Variants in FHIT observed in about 807,000 individuals in gnomAD.
FHIT encodes the protein fragile histidine triad diadenosine triphosphatase, also known as bis(5'-adenosyl)-triphosphatase.
In FHIT, 19 loss-of-function variants were observed where a neutral mutation model predicts 17.9. That is an observed-to-expected ratio of 1.06 (90% CI 0.74 to 1.56). The LOEUF is 1.56. Ranked by LOEUF, FHIT falls within the 40% of genes most tolerant of loss-of-function variation. The probability of loss-of-function intolerance (pLI) is 0.00; values close to 1 mark genes in which losing one functional copy is unlikely to be tolerated. For synonymous variants in FHIT, 81 were observed against 69.7 expected (o/e 1.16, Z -0.81); for missense variants, 248 against 189.2 (o/e 1.31, Z -1.82).
intron 4 of FHIT, among the ~76,000 whole-genome samples, chr3:60,594,436 G>T (rs1212463478): frequency 6.6e-6 from 1 of 152,102 alleles, no homozygotes; most frequent in Admixed American, 6.6e-5. Flanking sequence ...GCCCCAAATG[G>T]TTGGTACTTA....
intron 5 of FHIT, among the ~76,000 whole-genome samples, chr3:60,121,117 C>G (rs1276549252): frequency 6.6e-6 from 1 of 152,076 alleles, no homozygotes; most frequent in Non-Finnish European, 1.5e-5. Flanking sequence ...CTTCATTCTA[C>G]TAAACCATTT....
chr3:60,000,790 T>C (rs1699700580), intron 7 of FHIT, among the ~76,000 whole-genome samples: 1 of 152,192 alleles, frequency 6.6e-6, no homozygotes, highest in Non-Finnish European at 1.5e-5. Flanking sequence ...TATTTAAAAT[T>C]GAATTACAAT....
At chr3:61,056,776 T>C (rs186584759) in intron 2 of FHIT, among the ~76,000 whole-genome samples, 1 of 152,330 alleles carries the variant, frequency 6.6e-6, no homozygotes, top group East Asian at 1.9e-4. Context: ...TTTATTTAGA[T>C]AATACTCACT....
intron 1 of FHIT, among the ~76,000 whole-genome samples, chr3:61,221,088 A>C (rs530884937): frequency 7.1e-6 from 1 of 140,338 alleles, no homozygotes; most frequent in African/African-American, 2.6e-5. Flanking sequence ...ATCAAATTCC[A>C]TGAAATCTCA....
intron 5 of FHIT, among the ~76,000 whole-genome samples, chr3:60,431,215 G>GA (rs66778365): frequency 7.4e-5 from 11 of 148,862 alleles, no homozygotes; most frequent in African/African-American, 2.5e-4. Flanking sequence ...CATCTCAAAA[G>GA]AAAAAAAAAA....
intron 5 of FHIT, among the ~76,000 whole-genome samples, chr3:60,071,430 C>T (rs766217457): frequency 1.1e-4 from 17 of 152,134 alleles, no homozygotes; most frequent in Non-Finnish European, 2.1e-4. Context: ...GGCACTGCAA[C>T]CGTGTCTGTA....
intron 3 of FHIT, among the ~76,000 whole-genome samples, chr3:60,940,421 C>T (rs1313157936): frequency 4.0e-5 from 6 of 151,896 alleles, no homozygotes; most frequent in African/African-American, 1.2e-4. Context: ...AGCTTCTGTA[C>T]CCCAAGTTTT....
rs140435954 is a variant in FHIT, at chr3:60,428,482, A to C, written c.103+108378T>G. On this transcript the variant is annotated intron_variant, in intron 5 of 9. Coordinates refer to ENST00000492590, the MANE Select transcript of FHIT (RefSeq NM_002012.4). ...TCCTACTTGGTAGCTTCATCAGAGC[A>C]CGTTTTGAGTCTGCATCCAGATTGT... 1.2e-3 allele frequency among the ~76,000 whole-genome samples: 185 copies of C among 152,150 alleles called. 2 individuals carry two copies. Among genetic ancestry groups the C allele is most frequent in the African/African-American group, 4.4e-3 (183 of 41,464 alleles).
At chr3:60,445,362 G>A (rs1434484409) in intron 5 of FHIT, among the ~76,000 whole-genome samples, 1 of 151,860 alleles carries the variant, frequency 6.6e-6, no homozygotes, top group Admixed American at 6.6e-5. Context: ...GTTGTTCTTG[G>A]ATTACAGTGG....
At chr3:60,244,651 ATT>A (rs1705301669) in intron 5 of FHIT, among the ~76,000 whole-genome samples, 1 of 152,056 alleles carries the variant, frequency 6.6e-6, no homozygotes, top group African/African-American at 2.4e-5. Context: ...GAGAAGTTTG[ATT>A]TTTAGGATCT....
intron 8 of FHIT, among the ~76,000 whole-genome samples, chr3:59,791,651 G>A (rs555589104): frequency 1.0e-3 from 152 of 152,190 alleles, no homozygotes; most frequent in African/African-American, 3.5e-3. Flanking sequence ...CATGAAATGT[G>A]GGTGATTCAT....
intron 5 of FHIT, among the ~76,000 whole-genome samples, chr3:60,198,100 G>C (rs981141455): frequency 1.7e-4 from 26 of 149,550 alleles, no homozygotes; most frequent in African/African-American, 6.2e-4. Context: ...GGAACGTTTG[G>C]ATGACTTTTT....
intron 5 of FHIT, among the ~76,000 whole-genome samples, chr3:60,362,743 T>C (rs1241132087): frequency 6.6e-6 from 1 of 152,184 alleles, no homozygotes; most frequent in Non-Finnish European, 1.5e-5. Flanking sequence ...ATTTTCTTCA[T>C]CAATAAAACG....
At chr3:60,766,274 T>C (rs1423621460) in intron 4 of FHIT, among the ~76,000 whole-genome samples, 1 of 152,180 alleles carries the variant, frequency 6.6e-6, no homozygotes, top group East Asian at 1.9e-4. Flanking sequence ...TCCTCATTGC[T>C]GCCTTTCTGA....
At chr3:60,977,144 T>G (rs1485928742) in intron 3 of FHIT, among the ~76,000 whole-genome samples, 5 of 152,154 alleles carry the variant, frequency 3.3e-5, no homozygotes, top group Non-Finnish European at 7.4e-5. Flanking sequence ...TCTTTCTGCT[T>G]CACAGATCAT....
chr3:60,767,547 G>A (rs61385606), intron 4 of FHIT, among the ~76,000 whole-genome samples: 1 of 152,156 alleles, frequency 6.6e-6, no homozygotes, highest in African/African-American at 2.4e-5. Context: ...AAACCTAGTG[G>A]CTCCCAATTC....
chr3:60,000,015 C>T (rs1024685493), intron 7 of FHIT, among the ~76,000 whole-genome samples: 1 of 152,180 alleles, frequency 6.6e-6, no homozygotes, highest in Non-Finnish European at 1.5e-5. Flanking sequence ...TCTGCCATGT[C>T]AGCCTCAGCA....
intron 3 of FHIT, among the ~76,000 whole-genome samples, chr3:60,910,825 G>A (rs1553765706): frequency 6.6e-6 from 1 of 152,172 alleles, no homozygotes; most frequent in Non-Finnish European, 1.5e-5. Context: ...CCCTGGGAGA[G>A]ACAGTTGTGA....
chr3:60,455,199 G>C (rs886464021), intron 5 of FHIT, among the ~76,000 whole-genome samples: 3 of 152,126 alleles, frequency 2.0e-5, no homozygotes, highest in Non-Finnish European at 2.9e-5. Context: ...AGATGTTAAA[G>C]TAGAATTCAG....
Sources: gnomAD v4.1 joint callset for allele counts (sites outside exome capture counted in the v4.1 genomes callset) on GRCh38, gnomAD v4.1.1 for gene constraint, MANE v1.5 for transcripts, NCBI Gene and HGNC (gene_info 2026-07-23, HGNC 2026-07-21) for gene names.